Variants in FAM110B observed in about 807,000 individuals in gnomAD.
FAM110B encodes the protein protein FAM110B.
In FAM110B, 6 loss-of-function variants were observed where a neutral mutation model predicts 20.4. The ratio of observed to expected loss-of-function variants is 0.29; its 90% CI spans 0.16 to 0.58. The LOEUF (loss-of-function observed/expected upper bound fraction) is 0.58. Among genes scored for constraint, FAM110B ranks in the 20% least tolerant of loss-of-function variants. The pLI is 0.90. For synonymous variants in FAM110B, 226 were observed against 214.1 expected (o/e 1.06, Z -0.49); for missense variants, 434 against 498.2 (o/e 0.87, Z 1.23).
chr8:58,096,596 G>T (rs1217728818), intron 3 of FAM110B, among the ~76,000 whole-genome samples: 1 of 152,170 alleles, frequency 6.6e-6, no homozygotes, highest in African/African-American at 2.4e-5. Context: ...GATGCTAGCT[G>T]GTTATTTTGC....
intron 3 of FAM110B, among the ~76,000 whole-genome samples, chr8:58,137,495 G>A (rs932466726): frequency 2.0e-5 from 3 of 152,126 alleles, no homozygotes; most frequent in African/African-American, 7.2e-5. Flanking sequence ...AGGAGGCGGA[G>A]GTTGCAGTGA....
intron 2 of FAM110B, among the ~76,000 whole-genome samples, chr8:58,060,922 A>G (rs998029451): frequency 6.6e-6 from 1 of 152,088 alleles, no homozygotes; most frequent in African/African-American, 2.4e-5. Context: ...CAAAGCCTGT[A>G]TGATTTTCTG....
intron 3 of FAM110B, among the ~76,000 whole-genome samples, chr8:58,105,566 T>C (rs1806887364): frequency 7.7e-6 from 1 of 129,718 alleles, no homozygotes; most frequent in South Asian, 2.8e-4. Context: ...ATTTTTTTTT[T>C]TTTTTTTTTT....
chr8:58,146,151 C>T lies in FAM110B; in HGVS notation c.-80C>T. On this transcript the variant is annotated 5_prime_UTR_variant, in exon 4 of 4. Transcript: ENST00000519262. ...GCTGCACCCGCCGCCCTTGGCGCTT[C>T]ATGTACATGTGTCTATTCAGGCCTT... The T allele has an allele frequency of 6.7e-7, 1 of 1,484,348 alleles. No homozygotes were observed. The highest frequency in any genetic ancestry group is 9.0e-7 in the Non-Finnish European group (1 of 1,112,704). 91.9% of individuals were successfully genotyped at this position (1,484,348 alleles called of 1,614,324 possible). A position where few individuals can be genotyped will look rare whatever the true frequency, so the allele number is the denominator to read the frequency against.
intron 2 of FAM110B, among the ~76,000 whole-genome samples, chr8:58,043,743 G>A (rs2150577710): frequency 6.6e-6 from 1 of 152,212 alleles, no homozygotes; most frequent in East Asian, 1.9e-4. Flanking sequence ...GCCAGGCACT[G>A]GTTTAGCTAT....
chr8:58,105,987 G>A (rs1026266542), intron 3 of FAM110B, among the ~76,000 whole-genome samples: 15 of 152,008 alleles, frequency 9.9e-5, no homozygotes, highest in African/African-American at 3.6e-4. Context: ...TCTGATTGTT[G>A]CCCCAATATA....
At chr8:58,106,873 G>A (rs1356642791) in intron 3 of FAM110B, among the ~76,000 whole-genome samples, 3 of 152,170 alleles carry the variant, frequency 2.0e-5, no homozygotes, top group African/African-American at 7.2e-5. Flanking sequence ...GTGTGTTTAT[G>A]TTGTCAGTTA....
In FAM110B at chr8:58,074,097, C is replaced by G. The variant is rs138351313; in HGVS notation, c.-413-1438C>G. 6.6e-5 allele frequency among the ~76,000 whole-genome samples: 10 copies of G among 152,302 alleles called. No homozygotes were observed. The East Asian group carries it at 1.9e-3, about 29-fold the overall frequency. On this transcript the variant is annotated intron_variant, in intron 2 of 3. Transcript: ENST00000519262. ...AAATGCGCAGGCTTTACTTTTCCCACCCTCCGGACCCCACCCCACTGCCTA... is the reference window on the plus strand; with the variant it reads ...AAATGCGCAGGCTTTACTTTTCCCAGCCTCCGGACCCCACCCCACTGCCTA...
chr8:58,056,845 TA>T (rs141172971), intron 2 of FAM110B, among the ~76,000 whole-genome samples: 5,117 of 152,282 alleles, frequency 0.034, 292 homozygotes, highest in African/African-American at 0.11. Flanking sequence ...ACCCCTGCTG[TA>T]ACAGCAGGAT....
At chr8:58,076,790 T>C (rs1806048048) in intron 3 of FAM110B, among the ~76,000 whole-genome samples, 1 of 152,222 alleles carries the variant, frequency 6.6e-6, no homozygotes, top group Non-Finnish European at 1.5e-5. Context: ...TCAGCCTCAG[T>C]GCCCACATTC....
In FAM110B at chr8:58,010,813, A is replaced by G. The variant is rs555163108; in HGVS notation, c.-512+16007A>G. ...GCTTAATTGTTGTAAAACTAAAATC[A>G]TTATCTTTAATTGTTCATATCTCAC... On this transcript the variant is annotated intron_variant, in intron 1 of 3. Transcript: ENST00000519262. Among the ~76,000 whole-genome samples the G allele has an allele frequency of 2.0e-5, 3 of 152,292 alleles. No individual in the cohort carries two copies. The East Asian group carries it at 5.8e-4, about 29-fold the overall frequency.
intron 3 of FAM110B, among the ~76,000 whole-genome samples, chr8:58,101,731 G>C (rs1332400852): frequency 2.0e-5 from 3 of 152,010 alleles, no homozygotes; most frequent in African/African-American, 7.3e-5. Context: ...CTGTAATTTA[G>C]TCATGGTGGA....
At chr8:58,089,655 A>G (rs1261045052) in intron 3 of FAM110B, among the ~76,000 whole-genome samples, 2 of 152,224 alleles carry the variant, frequency 1.3e-5, no homozygotes, top group African/African-American at 2.4e-5. Context: ...CTTCATAATG[A>G]TAGGATACAG....
chr8:58,138,999 TTAAAAGG>T (rs1427373482), intron 3 of FAM110B, among the ~76,000 whole-genome samples: 1 of 152,182 alleles, frequency 6.6e-6, no homozygotes, highest in Non-Finnish European at 1.5e-5. Context: ...AAACAAGACT[TTAAAAGG>T]TTGCTGAAAA....
At chr8:58,010,873 C>T (rs774685206) in intron 1 of FAM110B, among the ~76,000 whole-genome samples, 4 of 152,174 alleles carry the variant, frequency 2.6e-5, no homozygotes, top group African/African-American at 4.8e-5. Flanking sequence ...AATTTTTCTA[C>T]AGCTACGGTG....
At chr8:58,025,441 A>C (rs1804835671) in intron 1 of FAM110B, among the ~76,000 whole-genome samples, 1 of 152,164 alleles carries the variant, frequency 6.6e-6, no homozygotes, top group African/African-American at 2.4e-5. Context: ...AACACAGCAA[A>C]TGGGGACATT....
intron 2 of FAM110B, among the ~76,000 whole-genome samples, chr8:58,059,500 A>G (rs750046913): frequency 1.3e-5 from 2 of 152,046 alleles, no homozygotes; most frequent in Non-Finnish European, 2.9e-5. Flanking sequence ...CATTTCCCTT[A>G]TAACTACTGA....
chr8:58,146,749 C>G lies in FAM110B; in HGVS notation c.519C>G (p.Ser173Arg), dbSNP rs762768864. Reference sequence around the variant, plus strand: ...TCTACCCCACGCAGGGCCGCAGGAGCCCGCAGGAGGGCGGCTCCCACGTGG... The same window carrying G: ...TCTACCCCACGCAGGGCCGCAGGAGGCCGCAGGAGGGCGGCTCCCACGTGG... ...LKVYPTQGRR[S>R]PQEGGSHVGR... Residue 173 changes from serine to arginine, a missense_variant, in exon 4 of 4, where the codon AGC becomes AGG. By Grantham distance (110) the Ser-to-Arg change is moderately radical. Coordinates refer to ENST00000519262, the MANE Select transcript of FAM110B (RefSeq NM_001377989.1). The G allele has an allele frequency of 6.2e-7, 1 of 1,611,912 alleles. No individual in the cohort carries two copies. Among genetic ancestry groups the G allele is most frequent in the South Asian group, 1.1e-5 (1 of 90,916 alleles).
chr8:58,047,445 T>A (rs1430170099), intron 2 of FAM110B, among the ~76,000 whole-genome samples: 1 of 152,126 alleles, frequency 6.6e-6, no homozygotes, highest in African/African-American at 2.4e-5. Context: ...CATTTTTGTT[T>A]CCTTTAGAAG....
Sources: allele counts gnomAD v4.1 joint callset (sites outside exome capture counted in the v4.1 genomes callset), GRCh38; gene constraint gnomAD v4.1.1; transcripts MANE v1.5; gene names NCBI Gene and HGNC (gene_info 2026-07-23, HGNC 2026-07-21).